The following LRMDA variants were observed in gnomAD, a reference collection of about 807,000 sequenced individuals.
LRMDA encodes leucine-rich melanocyte differentiation-associated protein.
In LRMDA, 18 loss-of-function variants were observed where a neutral mutation model predicts 29.8. The observed-to-expected ratio is 0.60, with a 90% CI of 0.42 to 0.90. The LOEUF is 0.90. Among genes scored for constraint, LRMDA ranks in the 40% least tolerant of loss-of-function variants. The pLI, the probability that LRMDA is intolerant of heterozygous loss-of-function variation, is 0.00. For synonymous variants in LRMDA, 125 were observed against 109.4 expected (o/e 1.14, Z -0.89); for missense variants, 273 against 273.9 (o/e 1.00, Z 0.02).
chr10:76,504,917 GT>G (rs953692246), intron 6 of LRMDA, among the ~76,000 whole-genome samples: 4 of 152,004 alleles, frequency 2.6e-5, no homozygotes, highest in Non-Finnish European at 2.9e-5. Context: ...GCTTAAGTGT[GT>G]TTTTGTGGTA....
chr10:76,281,098 G>A (rs1305249429), intron 5 of LRMDA, among the ~76,000 whole-genome samples: 3 of 152,124 alleles, frequency 2.0e-5, no homozygotes, highest in Non-Finnish European at 4.4e-5. Flanking sequence ...AACTCAAACT[G>A]CTCATTCTGC....
chr10:75,537,066 C>T (rs911977831), intron 2 of LRMDA, among the ~76,000 whole-genome samples: 2 of 152,170 alleles, frequency 1.3e-5, no homozygotes, highest in Non-Finnish European at 2.9e-5. Context: ...CCTTGCCTTA[C>T]GTTCCGGTCA....
At chr10:76,256,025 T>C (rs563785815) in intron 5 of LRMDA, among the ~76,000 whole-genome samples, 1 of 152,340 alleles carries the variant, frequency 6.6e-6, no homozygotes, top group Admixed American at 6.5e-5. Context: ...GTAATATCTT[T>C]AGCTCTCTCA....
Position 75,432,417 on chromosome 10 carries a change from T to G in LRMDA, c.30+663T>G, listed in dbSNP as rs1844210311. On this transcript the variant is annotated intron_variant, in intron 1 of 6. Coordinates refer to ENST00000611255, the MANE Select transcript of LRMDA (RefSeq NM_001305581.2). ...GCAACACGCCAGTTTCAATCCTGGG[T>G]GCCAGACACCCAGTCTCACATGCTT... is the stretch of plus-strand genomic sequence containing the variant. 2.0e-5 allele frequency among the ~76,000 whole-genome samples: 3 copies of G among 152,206 alleles called. No individual in the cohort carries two copies. The South Asian group carries it at 6.2e-4, about 31-fold the overall frequency.
chr10:75,588,171 A>G (rs1358483630), intron 2 of LRMDA, among the ~76,000 whole-genome samples: 2 of 152,170 alleles, frequency 1.3e-5, no homozygotes, highest in Non-Finnish European at 1.5e-5. Context: ...TGAGGTTACA[A>G]GTGAGTTGTG....
At chr10:76,365,091 T>C (rs1174883735) in intron 6 of LRMDA, among the ~76,000 whole-genome samples, 2 of 23,334 alleles carry the variant, frequency 8.6e-5, no homozygotes, top group Non-Finnish European at 3.1e-4. Flanking sequence ...CACACATATA[T>C]ATATATATAT....
At chr10:76,210,275 T>A (rs1589377583) in intron 5 of LRMDA, among the ~76,000 whole-genome samples, 1 of 151,912 alleles carries the variant, frequency 6.6e-6, no homozygotes, top group Non-Finnish European at 1.5e-5. Flanking sequence ...AAGCAGGGGG[T>A]GGAGGTGGGG....
chr10:75,991,537 T>C (rs1847369815), intron 2 of LRMDA, among the ~76,000 whole-genome samples: 1 of 152,178 alleles, frequency 6.6e-6, no homozygotes, highest in Non-Finnish European at 1.5e-5. Context: ...AGCATCTTGT[T>C]TAGGGATGGC....
intron 5 of LRMDA, among the ~76,000 whole-genome samples, chr10:76,084,600 T>C (rs1014155720): frequency 6.6e-6 from 1 of 152,146 alleles, no homozygotes; most frequent in African/African-American, 2.4e-5. Flanking sequence ...CTTTGAATTC[T>C]TTTGGTTCAG....
At chr10:75,733,917 T>C (rs1842728849) in intron 2 of LRMDA, among the ~76,000 whole-genome samples, 1 of 152,220 alleles carries the variant, frequency 6.6e-6, no homozygotes, top group Non-Finnish European at 1.5e-5. Flanking sequence ...TGGACTTTTA[T>C]CGGTAGTAGC....
chr10:76,321,980 G>T (rs190681970), intron 5 of LRMDA, among the ~76,000 whole-genome samples: 4 of 152,262 alleles, frequency 2.6e-5, no homozygotes, highest in African/African-American at 7.2e-5. Context: ...AGGATTCAAA[G>T]ATTTAAGAGT....
chr10:75,550,524 C>T, intron 2 of LRMDA, among the ~76,000 whole-genome samples: 1 of 152,040 alleles, frequency 6.6e-6, no homozygotes, highest in South Asian at 2.1e-4. Flanking sequence ...TATTTTTTCA[C>T]TGTTAATATA....
chr10:76,443,022 G>A (rs1842319488), intron 6 of LRMDA, among the ~76,000 whole-genome samples: 1 of 152,150 alleles, frequency 6.6e-6, no homozygotes, highest in African/African-American at 2.4e-5. Context: ...TTTAACTGAT[G>A]AGGAAACTGA....
intron 2 of LRMDA, among the ~76,000 whole-genome samples, chr10:75,438,873 T>C (rs549301697): frequency 6.6e-6 from 1 of 152,344 alleles, no homozygotes; most frequent in South Asian, 2.1e-4. Context: ...TGTCTAGGTG[T>C]GCTTTCTTAG....
chr10:75,691,966 C>T (rs1358304505), intron 2 of LRMDA, among the ~76,000 whole-genome samples: 1 of 151,822 alleles, frequency 6.6e-6, no homozygotes, highest in East Asian at 1.9e-4. Context: ...TGCTTTGCTC[C>T]CAAAGGCAGG....
chr10:76,449,360 C>T (rs1842383797), intron 6 of LRMDA, among the ~76,000 whole-genome samples: 1 of 151,792 alleles, frequency 6.6e-6, no homozygotes, highest in Admixed American at 6.6e-5. Flanking sequence ...TTTATATCTT[C>T]ATTGCAGAGG....
At chr10:75,614,646 C>G (rs1283792901) in intron 2 of LRMDA, among the ~76,000 whole-genome samples, 4 of 152,184 alleles carry the variant, frequency 2.6e-5, no homozygotes, top group Admixed American at 6.5e-5. Context: ...GGGGGCACTT[C>G]AGTCCCTGTG....
At chr10:75,763,960 A>G (rs1401842089) in intron 2 of LRMDA, among the ~76,000 whole-genome samples, 2 of 152,130 alleles carry the variant, frequency 1.3e-5, no homozygotes, top group Admixed American at 6.5e-5. Flanking sequence ...TTAGACTAGG[A>G]GTTCCATCAA....
chr10:75,732,993 C>T (rs1842717794), intron 2 of LRMDA, among the ~76,000 whole-genome samples: 1 of 152,176 alleles, frequency 6.6e-6, no homozygotes, highest in Non-Finnish European at 1.5e-5. Context: ...AGGTTCATGG[C>T]TCCAAATTTA....
Sources: gnomAD v4.1 joint callset for allele counts (sites outside exome capture counted in the v4.1 genomes callset) on GRCh38, gnomAD v4.1.1 for gene constraint, MANE v1.5 for transcripts, NCBI Gene and HGNC (gene_info 2026-07-23, HGNC 2026-07-21) for gene names.